Variants in PSEN1 observed in about 807,000 individuals in gnomAD.
The protein encoded by PSEN1 is presenilin-1.
Under a neutral mutation model 53.5 loss-of-function variants are expected in PSEN1, and 15 were observed. The ratio of observed to expected loss-of-function variants is 0.28; its 90% CI spans 0.19 to 0.43. The LOEUF is 0.43. Among genes scored for constraint, PSEN1 ranks in the 20% least tolerant of loss-of-function variants. The pLI, the probability that PSEN1 is intolerant of heterozygous loss-of-function variation, is 1.00. For synonymous variants in PSEN1, 208 were observed against 209.8 expected (o/e 0.99, Z 0.08); for missense variants, 387 against 571.2 (o/e 0.68, Z 3.29).
At chr14:73,150,164 C>T (rs78267161) in intron 3 of PSEN1, among the ~76,000 whole-genome samples, 2,450 of 152,238 alleles carry the variant, frequency 0.016, 48 homozygotes, top group East Asian at 0.049. Context: ...CTTTATTAAA[C>T]CTTAACATCT....
At chr14:73,146,049 G>A (rs770044488) in intron 1 of PSEN1, 5 of 152,156 alleles carry the variant, frequency 3.3e-5, no homozygotes, top group Admixed American at 1.3e-4. Context: ...AGAGGTTCCA[G>A]TGAGCGAGAT....
intron 3 of PSEN1, among the ~76,000 whole-genome samples, chr14:73,157,464 G>C (rs963538261): frequency 6.6e-6 from 1 of 152,076 alleles, no homozygotes; most frequent in Admixed American, 6.5e-5. Flanking sequence ...TTTAAAAACA[G>C]CTTTATTGTG....
At chr14:73,167,326 A>G (rs1195379246) in intron 3 of PSEN1, among the ~76,000 whole-genome samples, 7 of 152,234 alleles carry the variant, frequency 4.6e-5, no homozygotes, top group Admixed American at 3.3e-4. Flanking sequence ...CTTTCTGAGT[A>G]TCAATGTGAT....
intron 3 of PSEN1, among the ~76,000 whole-genome samples, chr14:73,149,987 A>G (rs543759822): frequency 3.9e-5 from 6 of 152,356 alleles, no homozygotes; most frequent in East Asian, 1.9e-4. Context: ...AATCTCATTC[A>G]TAGTAAAGGG....
At chr14:73,166,553 C>G (rs1189105895) in intron 3 of PSEN1, among the ~76,000 whole-genome samples, 5 of 152,218 alleles carry the variant, frequency 3.3e-5, no homozygotes, top group Non-Finnish European at 7.3e-5. Context: ...ATCAGCCAAT[C>G]AAGTTGTTCA....
intron 8 of PSEN1, among the ~76,000 whole-genome samples, chr14:73,203,747 G>A (rs1308518715): frequency 6.6e-6 from 1 of 152,198 alleles, no homozygotes; most frequent in African/African-American, 2.4e-5. Context: ...ATTAGTAGAA[G>A]TGGTTCACTC....
chr14:73,154,142 GA>G (rs1447961770), intron 3 of PSEN1, among the ~76,000 whole-genome samples: 1 of 152,124 alleles, frequency 6.6e-6, no homozygotes, highest in Admixed American at 6.5e-5. Context: ...ATGCGTGCAT[GA>G]AATATTAAGG....
At chr14:73,171,830 T>C (rs541461417) in intron 4 of PSEN1, among the ~76,000 whole-genome samples, 1 of 152,346 alleles carries the variant, frequency 6.6e-6, no homozygotes, top group East Asian at 1.9e-4. Context: ...ATTAATTCTT[T>C]GAAATTTAGA....
upstream of PSEN1, chr14:73,136,440 A>T (rs1184788428): frequency 1.3e-5 from 2 of 152,870 alleles, no homozygotes; most frequent in Admixed American, 6.5e-5. Context: ...GCCGGAAATG[A>T]CGACAACGGT....
chr14:73,143,470 G>GT lies in PSEN1; in HGVS notation c.-135-4316dup, dbSNP rs532018326. ...AGGCAAAATCTTTCACCTTTTCTGA[G>GT]TTTTTTTTTACATGTCAGTACAGAT... On this transcript the variant is annotated intron_variant, in intron 1 of 11. Transcript: ENST00000324501. 1.6e-3 allele frequency among the ~76,000 whole-genome samples: 249 copies of GT among 151,796 alleles called. 3 individuals carry two copies. Among genetic ancestry groups the GT allele is most frequent in the African/African-American group, 5.0e-3 (205 of 41,382 alleles).
rs1024789111 is a variant in PSEN1, at chr14:73,201,918, T to G, written c.868+3789T>G. On this transcript the variant is annotated intron_variant, in intron 8 of 11. Coordinates refer to ENST00000324501, the MANE Select transcript of PSEN1 (RefSeq NM_000021.4). ...CCCACCACCACATCCGGCTAATGTT[T>G]GTATTTTTAGTAGAGTTGGGGTTTC... Among the ~76,000 whole-genome samples, 8 of 152,190 alleles carry G rather than the reference T, an allele frequency of 5.3e-5. No homozygotes were observed. In the East Asian group the frequency reaches 1.6e-3, roughly 30 times the overall value.
rs199805471 is a variant in PSEN1, at chr14:73,219,409, T to C, written c.*120T>C. On this transcript the variant is annotated 3_prime_UTR_variant, in exon 12 of 12. Transcript: ENST00000324501. The stretch of plus-strand genomic sequence containing the variant: ...AAGTCAAGATTCCCGGCTGGACTTT[T>C]GCAGCTTCCTTCCAAGTCTTCCTGA... 8.7e-6 allele frequency: 10 copies of C among 1,146,278 alleles called. No individual in the cohort carries two copies. The highest frequency in any genetic ancestry group is 3.7e-5 in the South Asian group (3 of 80,698). The allele number at this position is 1,146,278 out of a possible 1,614,324, so 71.0% of individuals were successfully genotyped here.
Position 73,177,963 on chromosome 14 carries a change from ACT to A in PSEN1, c.480+4259_480+4260del, listed in dbSNP as rs1898092956. On this transcript the variant is annotated intron_variant, in intron 5 of 11. Transcript: ENST00000324501. ...AAAATTTTTCTGTACCACATTCTTT[ACT>A]CTTTTTTTTTTTGAAACAGAGTGGC... 2.8e-5 allele frequency among the ~76,000 whole-genome samples: 4 copies of A among 145,126 alleles called. No individual in the cohort carries two copies. In the South Asian group the frequency reaches 8.6e-4, roughly 31 times the overall value.
At chr14:73,184,402 A>C (rs1595019720) in intron 5 of PSEN1, among the ~76,000 whole-genome samples, 3 of 100,790 alleles carry the variant, frequency 3.0e-5, no homozygotes, top group African/African-American at 3.6e-5. Flanking sequence ...TGACCCCCCC[A>C]CCTCCCTCTC....
chr14:73,198,003 G>A, intron 7 of PSEN1, 28 bp from the exon 8 acceptor site: 1 of 1,269,550 alleles, frequency 7.9e-7, no homozygotes, highest in Non-Finnish European at 1.2e-6. Context: ...CATTTTATTA[G>A]ATGTCTTTTA....
At chr14:73,202,446 ATATATATATATATATATTTTTTTTTTTTT>A (rs1183530003) in intron 8 of PSEN1, among the ~76,000 whole-genome samples, 1 of 14,780 alleles carries the variant, frequency 6.8e-5, no homozygotes, top group African/African-American at 3.4e-4. Flanking sequence ...ATATATATAT[ATATATATATATATATATTTTTTTTTTTTT>A]TTTTTTTTTT....
intron 3 of PSEN1, among the ~76,000 whole-genome samples, chr14:73,154,801 T>C (rs1429860866): frequency 1.3e-5 from 2 of 152,182 alleles, no homozygotes; most frequent in Non-Finnish European, 2.9e-5. Context: ...GCAATAAATA[T>C]ATGAAAAGCC....
chr14:73,179,911 T>TA (rs571815825), intron 5 of PSEN1, among the ~76,000 whole-genome samples: 6 of 152,226 alleles, frequency 3.9e-5, no homozygotes, highest in Non-Finnish European at 8.8e-5. Flanking sequence ...GGAAGGTACT[T>TA]ACTCCATCTT....
At chr14:73,157,726 C>T (rs545131315) in intron 3 of PSEN1, among the ~76,000 whole-genome samples, 49 of 152,028 alleles carry the variant, frequency 3.2e-4, no homozygotes, top group African/African-American at 1.0e-3. Flanking sequence ...TCATACAGGC[C>T]GGGCACGGTG....
Sources: allele counts gnomAD v4.1 joint callset (sites outside exome capture counted in the v4.1 genomes callset), GRCh38; gene constraint gnomAD v4.1.1; transcripts MANE v1.5; gene names NCBI Gene and HGNC (gene_info 2026-07-23, HGNC 2026-07-21).